LIN54: variants seen among roughly 807,000 people sequenced by gnomAD.
The protein encoded by LIN54 is protein lin-54 homolog.
In LIN54, 9 loss-of-function variants were observed where a neutral mutation model predicts 78.7. That is an observed-to-expected ratio of 0.11 (90% confidence interval 0.07 to 0.20). The LOEUF (loss-of-function observed/expected upper bound fraction) is 0.20, where lower values mean the gene tolerates loss of function less well. Ranked by LOEUF, LIN54 falls within the 10% of genes least tolerant of loss-of-function variation. LIN54 has a pLI of 1.00. For synonymous variants in LIN54, 269 were observed against 318.4 expected, an observed-to-expected ratio of 0.84 and a Z score of 1.65; for missense variants, 573 against 889.9, an observed-to-expected ratio of 0.64 and a Z score of 4.53.
chr4:82,974,858 CAAA>C (rs57555387), intron 3 of LIN54, among the ~76,000 whole-genome samples: 6 of 132,020 alleles, frequency 4.5e-5, no homozygotes, highest in Non-Finnish European at 3.2e-5. Context: ...CAGACTGTCT[CAAA>C]AAAAAAAAAA....
At chr4:82,967,401 AAAG>A (rs1725292519) in intron 4 of LIN54, among the ~76,000 whole-genome samples, 1 of 152,184 alleles carries the variant, frequency 6.6e-6, no homozygotes, top group South Asian at 2.1e-4. Flanking sequence ...ATTCTGCAAG[AAAG>A]AAGATGGCTG....
rs1279201324 is a variant in LIN54 at position 82,926,524 on chromosome 4, A to G, written c.*1578T>C. On this transcript the variant is annotated 3_prime_UTR_variant, in exon 13 of 13. Transcript: ENST00000340417. ...ATACATACAACTATAGAGTCCTTGT[A>G]GGAAATGAAATAATCATATACTAAT... 6.6e-6 allele frequency: 1 copy of G among 152,552 alleles called. No homozygotes were observed. Among genetic ancestry groups the G allele is most frequent in the African/African-American group, 2.4e-5 (1 of 41,456 alleles). The allele number at this position is 152,552 out of a possible 1,614,324, so 9.4% of individuals were successfully genotyped here. A position where few individuals can be genotyped will look rare whatever the true frequency, so the allele number is the denominator to read the frequency against.
At chr4:82,961,869 T>A (rs547952212) in intron 4 of LIN54, among the ~76,000 whole-genome samples, 30 of 151,286 alleles carry the variant, frequency 2.0e-4, no homozygotes, top group African/African-American at 7.3e-4. Flanking sequence ...GGCAGGAGGA[T>A]CGCTTGAACC....
intron 1 of LIN54, among the ~76,000 whole-genome samples, chr4:82,995,745 C>T (rs1437577051): frequency 6.6e-6 from 1 of 151,782 alleles, no homozygotes; most frequent in Non-Finnish European, 1.5e-5. Flanking sequence ...TCCACCCACC[C>T]GCCTCGGTCT....
intron 1 of LIN54, 52 bp from the exon 2 acceptor site, chr4:82,984,928 G>T: frequency 7.6e-7 from 1 of 1,320,274 alleles, no homozygotes; most frequent in Non-Finnish European, 1.0e-6. Context: ...AAAGATGTAA[G>T]AAAAAAATTC....
At chr4:82,982,461 C>T (rs556726551) in intron 2 of LIN54, among the ~76,000 whole-genome samples, 1 of 152,182 alleles carries the variant, frequency 6.6e-6, no homozygotes, top group Non-Finnish European at 1.5e-5. Flanking sequence ...AACTCCTGGC[C>T]TCACAGAATC....
chr4:82,939,509 C>A, intron 7 of LIN54, 30 bp downstream of exon 7: 1 of 1,568,674 alleles, frequency 6.4e-7, no homozygotes. Flanking sequence ...ATCACTTTTG[C>A]AATACAATGA....
At chr4:83,005,366 G>A (rs1218130089) in intron 1 of LIN54, among the ~76,000 whole-genome samples, 1 of 152,004 alleles carries the variant, frequency 6.6e-6, no homozygotes, top group Non-Finnish European at 1.5e-5. Flanking sequence ...GGCCGGGCAC[G>A]GTGGCTCACG....
chr4:82,929,995 T>G (rs1481985906), intron 12 of LIN54, among the ~76,000 whole-genome samples: 1 of 152,096 alleles, frequency 6.6e-6, no homozygotes, highest in African/African-American at 2.4e-5. Flanking sequence ...CCTCCCAGGC[T>G]CAAGCGATTC....
chr4:82,981,517 A>G (rs1209915263), intron 2 of LIN54, among the ~76,000 whole-genome samples: 3 of 152,176 alleles, frequency 2.0e-5, no homozygotes, highest in Admixed American at 6.5e-5. Flanking sequence ...TCTTTGTAAT[A>G]CTAAACCAAA....
intron 8 of LIN54, 75 bp from the exon 9 acceptor site, chr4:82,937,373 T>A: frequency 3.3e-6 from 3 of 897,378 alleles, no homozygotes; most frequent in Non-Finnish European, 5.0e-6. Flanking sequence ...CTACAACTAA[T>A]TTAAAATTTA....
At position 82,944,252 on chromosome 4, in the gene LIN54, A is replaced by C. The variant is rs1022031701; in HGVS notation, c.1168+2006T>G. ...TACTAAAGGCATACTCTTGCTAATG[A>C]ATAAATTAATGTTAACATTAATTAG... On this transcript the variant is annotated intron_variant, in intron 5 of 12. Transcript: ENST00000340417. Among the ~76,000 whole-genome samples the C allele has an allele frequency of 2.6e-5, 4 of 152,208 alleles. No homozygotes were observed. In the East Asian group the frequency reaches 7.7e-4, roughly 29 times the overall value.
At chr4:83,007,720 T>G (rs1027815011) in intron 1 of LIN54, among the ~76,000 whole-genome samples, 1 of 152,004 alleles carries the variant, frequency 6.6e-6, no homozygotes, top group African/African-American at 2.4e-5. Context: ...AAACCCTGTC[T>G]CTACCAAAAA....
upstream of LIN54, among the ~76,000 whole-genome samples, chr4:83,011,835 G>T (rs568432755): frequency 1.4e-5 from 2 of 144,110 alleles, no homozygotes; most frequent in South Asian, 4.5e-4. Context: ...AAGGAAACTG[G>T]CTGCCTTTGT....
chr4:82,975,318 A>G (rs1170256957), intron 3 of LIN54, among the ~76,000 whole-genome samples: 1 of 151,966 alleles, frequency 6.6e-6, no homozygotes, highest in African/African-American at 2.4e-5. Flanking sequence ...CCTGGGTGAC[A>G]GAGTGAAACT....
At chr4:82,930,370 C>T (rs929146169) in intron 12 of LIN54, among the ~76,000 whole-genome samples, 1 of 152,194 alleles carries the variant, frequency 6.6e-6, no homozygotes, top group Admixed American at 6.5e-5. Context: ...CCTTATTCCT[C>T]ACAGCCACCT....
intron 3 of LIN54, among the ~76,000 whole-genome samples, chr4:82,974,880 C>T (rs1334905507): frequency 6.8e-6 from 1 of 146,422 alleles, no homozygotes; most frequent in Non-Finnish European, 1.5e-5. Context: ...AAAGCAAAAA[C>T]GTAGATACAA....
In LIN54 at chr4:82,924,957, A is replaced by AAAAT. The variant is rs1393709838; in HGVS notation, c.*3141_*3144dup. 1 of 152,686 alleles carries AAAAT rather than the reference A, an allele frequency of 6.5e-6. No homozygotes were observed. Among genetic ancestry groups the AAAAT allele is most frequent in the Non-Finnish European group, 1.5e-5 (1 of 68,054 alleles). The allele number at this position is 152,686 out of a possible 1,614,324, so 9.5% of individuals were successfully genotyped here. ...TAACTATTTGTGTTACAGAACAATA[A>AAAAT]AAATAGATAACTTTTCTAAAATTAT... On this transcript the variant is annotated 3_prime_UTR_variant, in exon 13 of 13. Transcript: ENST00000340417.
At position 82,935,964 on chromosome 4, in the gene LIN54, C is replaced by T. The variant is rs773564901; in HGVS notation, c.1845+17G>A. 16 of 1,611,786 alleles carry T rather than the reference C, an allele frequency of 9.9e-6. No individual in the cohort carries two copies. Among genetic ancestry groups the T allele is most frequent in the East Asian group, 4.5e-5 (2 of 44,856 alleles). On this transcript the variant is annotated intron_variant, in intron 11 of 12. Transcript: ENST00000340417. The stretch of plus-strand genomic sequence containing the variant: ...ACTGTTTTTAAAAGATATTATTTTC[C>T]GCACCCAGCATCTCACCTCATAGCA...
Sources: gnomAD v4.1 joint callset for allele counts (sites outside exome capture counted in the v4.1 genomes callset) on GRCh38, gnomAD v4.1.1 for gene constraint, MANE v1.5 for transcripts, NCBI Gene and HGNC (gene_info 2026-07-23, HGNC 2026-07-21) for gene names.